Variants in LRIF1 observed in about 807,000 individuals in gnomAD.
LRIF1 encodes the protein ligand dependent nuclear receptor interacting factor 1.
A neutral mutation model predicts 52.7 loss-of-function variants in LRIF1; 32 were observed. The ratio of observed to expected loss-of-function variants is 0.61; its 90% CI spans 0.46 to 0.82. The LOEUF (loss-of-function observed/expected upper bound fraction) is 0.82. LRIF1 is among the 40% of genes least tolerant of loss of function. LRIF1 has a pLI of 0.00. For missense variants in LRIF1, 887 were observed against 892.0 expected (o/e 0.99, Z 0.07); for synonymous variants, 323 against 317.4 (o/e 1.02, Z -0.19).
chr1:110,961,502 A>C (rs778226270), intron 1 of LRIF1, among the ~76,000 whole-genome samples: 4 of 152,192 alleles, frequency 2.6e-5, no homozygotes, highest in Admixed American at 6.5e-5. Context: ...AATATCTTCC[A>C]GATTTTTCCT....
the LRIF1 span, among the ~76,000 whole-genome samples, chr1:110,887,113 T>G: frequency 5.5e-4 from 83 of 151,242 alleles, no homozygotes; most frequent in Non-Finnish European, 9.7e-4. Flanking sequence ...ACCCAGGCTG[T>G]AGTGCAGTGG....
In LRIF1 at chr1:110,951,783, C is replaced by T. The variant is rs759337538; in HGVS notation, c.1101G>A (p.Leu367=). 1 of 1,612,462 alleles carries T rather than the reference C, an allele frequency of 6.2e-7. No homozygotes were observed. The stretch of plus-strand genomic sequence containing the variant: ...GCAGAACATCTGTCCCCTTTTTAGC[C>T]AACAGATAGACTTTCCCATTAAACA... ...LVMFNGKVYL[L]AKKGTDVLPS... Residue 367 remains leucine (L), a synonymous_variant, in exon 2 of 4, where the codon TTG becomes TTA. Transcript: ENST00000369763.
the LRIF1 span, among the ~76,000 whole-genome samples, chr1:110,888,490 A>G: frequency 2.0e-5 from 3 of 152,120 alleles, no homozygotes; most frequent in African/African-American, 7.2e-5. Flanking sequence ...CGTGCCCTTC[A>G]TTGTCTCACA....
chr1:110,888,646 A>G, the LRIF1 span, among the ~76,000 whole-genome samples: 1 of 152,240 alleles, frequency 6.6e-6, no homozygotes, highest in East Asian at 1.9e-4. Flanking sequence ...GAAAAGGAAA[A>G]TGAAAAAGGT....
At chr1:110,923,978 ATTT>A in the LRIF1 span, among the ~76,000 whole-genome samples, 4 of 152,136 alleles carry the variant, frequency 2.6e-5, no homozygotes, top group African/African-American at 4.8e-5. Context: ...CAAAAATGAA[ATTT>A]TCTGGTAAGA....
the LRIF1 span, among the ~76,000 whole-genome samples, chr1:110,895,885 A>G: frequency 2.0e-5 from 3 of 152,152 alleles, no homozygotes; most frequent in Non-Finnish European, 2.9e-5. Context: ...ACAATATATT[A>G]TTTCACCCAC....
At chr1:110,946,083 G>C (rs1357528320), downstream of LRIF1, among the ~76,000 whole-genome samples, 2 of 152,160 alleles carry the variant, frequency 1.3e-5, no homozygotes, top group African/African-American at 4.8e-5. Flanking sequence ...GCTGCCAAAA[G>C]TGGAAACAAT....
chr1:110,951,753 T>G lies in LRIF1; in HGVS notation c.1131A>C (p.Ser377=). The change falls in exon 2 of 4, where the codon TCA becomes TCC. Residue 377 remains serine, a synonymous_variant. Coordinates refer to ENST00000369763, the MANE Select transcript of LRIF1 (RefSeq NM_018372.4). ...AAACAGAATTCTGTTGGTCAATTTGTGATGGCAGAACATCTGTCCCCTTTT... is the reference window on the plus strand; with the variant it reads ...AAACAGAATTCTGTTGGTCAATTTGGGATGGCAGAACATCTGTCCCCTTTT... ...LAKKGTDVLP[S]QIDQQNSVSP... 1 of 1,613,416 alleles carries G rather than the reference T, an allele frequency of 6.2e-7. No individual in the cohort carries two copies.
At chr1:110,940,907 T>C in the LRIF1 span, 2 of 152,126 alleles carry the variant, frequency 1.3e-5, no homozygotes, top group African/African-American at 4.8e-5. Flanking sequence ...AGACCTACTA[T>C]TTGATAGCAC....
the LRIF1 span, among the ~76,000 whole-genome samples, chr1:110,912,249 T>A: frequency 6.6e-6 from 1 of 152,128 alleles, no homozygotes; most frequent in Non-Finnish European, 1.5e-5. Context: ...TCTGGCTCTA[T>A]CGCCCAGACT....
At chr1:110,885,314 G>A in the LRIF1 span, among the ~76,000 whole-genome samples, 1 of 152,228 alleles carries the variant, frequency 6.6e-6, no homozygotes, top group East Asian at 1.9e-4. Context: ...ACTTTGGGAG[G>A]CCGAGGCGGG....
At chr1:110,891,440 A>T in the LRIF1 span, 12 of 1,613,826 alleles carry the variant, frequency 7.4e-6, no homozygotes, top group Non-Finnish European at 1.0e-5. Context: ...CTGCTGAAGT[A>T]TGTCCTGTTT....
the LRIF1 span, among the ~76,000 whole-genome samples, chr1:110,889,273 T>C: frequency 5.9e-5 from 9 of 152,100 alleles, no homozygotes; most frequent in Admixed American, 4.6e-4. Context: ...GACTCAATAA[T>C]TGGCCGGGTG....
the LRIF1 span, among the ~76,000 whole-genome samples, chr1:110,878,673 C>T: frequency 2.6e-5 from 4 of 152,088 alleles, no homozygotes; most frequent in African/African-American, 7.2e-5. Flanking sequence ...TATATATTCT[C>T]AATCTTAGCT....
intron 1 of LRIF1, 26 bp downstream of exon 1, chr1:110,963,595 G>C: frequency 6.3e-7 from 1 of 1,593,156 alleles, no homozygotes; most frequent in South Asian, 1.1e-5. Flanking sequence ...GGGCAGCCGT[G>C]GGGAGGATTC....
At chr1:110,910,866 A>C in the LRIF1 span, among the ~76,000 whole-genome samples, 1 of 152,214 alleles carries the variant, frequency 6.6e-6, no homozygotes, top group East Asian at 1.9e-4. Context: ...GTTAAGGAGA[A>C]ATTTTATAGT....
chr1:110,919,450 T>C, the LRIF1 span, among the ~76,000 whole-genome samples: 1 of 150,664 alleles, frequency 6.6e-6, no homozygotes, highest in East Asian at 2.0e-4. Flanking sequence ...AAGTTTGGAC[T>C]CTCTTGCTCC....
chr1:110,904,169 G>A, the LRIF1 span, among the ~76,000 whole-genome samples: 1 of 152,214 alleles, frequency 6.6e-6, no homozygotes, highest in East Asian at 1.9e-4. Flanking sequence ...CTCCCAGACA[G>A]CACCTCTGGA....
chr1:110,932,798 T>C, the LRIF1 span, among the ~76,000 whole-genome samples: 2 of 152,232 alleles, frequency 1.3e-5, no homozygotes, highest in African/African-American at 4.8e-5. Context: ...GTGAATCTTG[T>C]CTGCAGCTAC....
Sources: allele counts gnomAD v4.1 joint callset (sites outside exome capture counted in the v4.1 genomes callset), GRCh38; gene constraint gnomAD v4.1.1; transcripts MANE v1.5; gene names NCBI Gene and HGNC (gene_info 2026-07-23, HGNC 2026-07-21).